The following CDKAL1 variants were observed in gnomAD, a reference collection of about 807,000 sequenced individuals.
The protein encoded by CDKAL1 is CDKAL1 threonylcarbamoyladenosine tRNA methylthiotransferase, also known as threonylcarbamoyladenosine tRNA methylthiotransferase.
In CDKAL1, 32 loss-of-function variants were observed where a neutral mutation model predicts 68.2. The ratio of observed to expected loss-of-function variants is 0.47; its 90% CI spans 0.35 to 0.63. The LOEUF is 0.63. Ranked by LOEUF, CDKAL1 falls within the 30% of genes least tolerant of loss-of-function variation. The probability of loss-of-function intolerance (pLI) is 0.00; values close to 1 mark genes in which losing one functional copy is unlikely to be tolerated. For missense variants in CDKAL1, 606 were observed against 696.7 expected, an observed-to-expected ratio of 0.87 and a Z score of 1.47; for synonymous variants, 234 against 244.3, an observed-to-expected ratio of 0.96 and a Z score of 0.39.
intron 4 of CDKAL1, among the ~76,000 whole-genome samples, chr6:20,629,012 A>G (rs1767556092): frequency 6.6e-6 from 1 of 152,224 alleles, no homozygotes; most frequent in African/African-American, 2.4e-5. Flanking sequence ...ACACTTAGGC[A>G]TTACCACCAC....
At chr6:20,769,280 ACAGAGTCTTGCTCCGTCGCC>A in intron 7 of CDKAL1, among the ~76,000 whole-genome samples, 1 of 129,554 alleles carries the variant, frequency 7.7e-6, no homozygotes, top group Non-Finnish European at 1.7e-5. Flanking sequence ...TTTTTTCAAG[ACAGAGTCTTGCTCCGTCGCC>A]CAGGCTGGAG....
intron 8 of CDKAL1, among the ~76,000 whole-genome samples, chr6:20,824,294 A>G (rs571558783): frequency 4.9e-4 from 75 of 152,254 alleles, no homozygotes; most frequent in African/African-American, 1.7e-3. Flanking sequence ...TTAGTTATCT[A>G]TTGCTGTATA....
intron 9 of CDKAL1, among the ~76,000 whole-genome samples, chr6:20,912,634 C>G (rs1284176845): frequency 6.6e-6 from 1 of 151,836 alleles, no homozygotes; most frequent in African/African-American, 2.4e-5. Context: ...GAGGATCAAC[C>G]TTACTAGACA....
rs113317224 is a variant in CDKAL1, at chr6:20,598,800, G to A, written c.286+50095G>A. 9.2e-3 allele frequency among the ~76,000 whole-genome samples: 1,403 copies of A among 152,038 alleles called. 16 individuals carry two copies. Among genetic ancestry groups the A allele is most frequent in the Non-Finnish European group, 0.01 (688 of 67,940 alleles). The stretch of plus-strand genomic sequence containing the variant: ...ATTTTTCATATGCTTAAACATTGGC[G>A]TTTTTGCTTTTGTTCTATGGGGATT... On this transcript the variant is annotated intron_variant, in intron 4 of 15. Transcript: ENST00000274695.
At chr6:20,595,245 G>A (rs1210618331) in intron 4 of CDKAL1, among the ~76,000 whole-genome samples, 1 of 152,094 alleles carries the variant, frequency 6.6e-6, no homozygotes, top group Admixed American at 6.6e-5. Flanking sequence ...AGTTCTCCTG[G>A]ATAGTATCCT....
intron 8 of CDKAL1, among the ~76,000 whole-genome samples, chr6:20,820,474 G>C (rs1326705361): frequency 2.6e-5 from 4 of 152,188 alleles, no homozygotes; most frequent in Admixed American, 2.6e-4. Context: ...ATTTGCTTAA[G>C]GTCAAAAAGC....
chr6:21,207,531 C>T (rs147937386), intron 15 of CDKAL1, among the ~76,000 whole-genome samples: 1 of 152,074 alleles, frequency 6.6e-6, no homozygotes. Context: ...AAAAAAAGTA[C>T]TTTGCGTTCA....
At chr6:20,971,439 A>T (rs1212189912) in intron 10 of CDKAL1, among the ~76,000 whole-genome samples, 2 of 152,236 alleles carry the variant, frequency 1.3e-5, no homozygotes, top group African/African-American at 4.8e-5. Context: ...AATTAAAAAG[A>T]TAATCAAACT....
intron 10 of CDKAL1, among the ~76,000 whole-genome samples, chr6:20,987,124 T>C (rs1220933366): frequency 6.6e-6 from 1 of 152,208 alleles, no homozygotes; most frequent in East Asian, 1.9e-4. Context: ...AGTTTATGTT[T>C]GTGTTTGGGG....
intron 13 of CDKAL1, among the ~76,000 whole-genome samples, chr6:21,159,293 G>A (rs959219432): frequency 6.6e-6 from 1 of 152,064 alleles, no homozygotes; most frequent in Non-Finnish European, 1.5e-5. Flanking sequence ...TTATAAGCTA[G>A]GAAATATTCC....
chr6:21,063,743 T>G (rs1333538456), intron 11 of CDKAL1, among the ~76,000 whole-genome samples: 1 of 152,156 alleles, frequency 6.6e-6, no homozygotes, highest in Non-Finnish European at 1.5e-5. Context: ...ATAAAATAGT[T>G]GGAAGGTATG....
chr6:21,079,071 C>T (rs975763016), intron 12 of CDKAL1, among the ~76,000 whole-genome samples: 4 of 151,982 alleles, frequency 2.6e-5, no homozygotes, highest in South Asian at 2.1e-4. Context: ...GTTACAGGGG[C>T]GGCGTGGGAC....
intron 11 of CDKAL1, among the ~76,000 whole-genome samples, chr6:21,005,440 G>A (rs1440536350): frequency 6.6e-6 from 1 of 152,180 alleles, no homozygotes; most frequent in Non-Finnish European, 1.5e-5. Context: ...AAATGAAACA[G>A]TTTATATATT....
chr6:20,655,943 G>C (rs1482610154), intron 5 of CDKAL1, among the ~76,000 whole-genome samples: 1 of 152,158 alleles, frequency 6.6e-6, no homozygotes, highest in Admixed American at 6.5e-5. Flanking sequence ...GCTTTATTGA[G>C]TGTCTTCTAT....
intron 4 of CDKAL1, among the ~76,000 whole-genome samples, chr6:20,562,586 A>G (rs1222380643): frequency 6.6e-6 from 1 of 151,912 alleles, no homozygotes; most frequent in Non-Finnish European, 1.5e-5. Flanking sequence ...TGAAAATACA[A>G]AAAAAATTAA....
At chr6:21,210,849 T>C (rs1779124273) in intron 15 of CDKAL1, among the ~76,000 whole-genome samples, 1 of 152,178 alleles carries the variant, frequency 6.6e-6, no homozygotes, top group South Asian at 2.1e-4. Context: ...CCAGAATCTT[T>C]GCTGAGTTTT....
At chr6:20,604,740 A>C (rs774623828) in intron 4 of CDKAL1, among the ~76,000 whole-genome samples, 4 of 152,192 alleles carry the variant, frequency 2.6e-5, no homozygotes, top group Non-Finnish European at 4.4e-5. Flanking sequence ...CAGTACCATG[A>C]AAGGATGGGG....
chr6:20,549,173 T>G (rs184436015), intron 4 of CDKAL1, among the ~76,000 whole-genome samples: 45 of 152,312 alleles, frequency 3.0e-4, no homozygotes, highest in African/African-American at 1.0e-3. Context: ...AATTTTTTCT[T>G]GTCTTCTGTG....
intron 10 of CDKAL1, among the ~76,000 whole-genome samples, chr6:20,958,285 TTCC>T (rs1236830613): frequency 6.6e-6 from 1 of 152,218 alleles, no homozygotes; most frequent in Non-Finnish European, 1.5e-5. Flanking sequence ...TTTTAAACTC[TTCC>T]TTTGTTTCCT....
Sources: gnomAD v4.1 joint callset for allele counts (sites outside exome capture counted in the v4.1 genomes callset) on GRCh38, gnomAD v4.1.1 for gene constraint, MANE v1.5 for transcripts, NCBI Gene and HGNC (gene_info 2026-07-23, HGNC 2026-07-21) for gene names.